MACF1: variants seen among roughly 807,000 people sequenced by gnomAD.
The protein encoded by MACF1 is microtubule-actin cross-linking factor 1.
Under a neutral mutation model 854.8 loss-of-function variants are expected in MACF1, and 193 were observed. The observed-to-expected ratio is 0.23, with a 90% CI of 0.20 to 0.25. MACF1 has a LOEUF of 0.25. MACF1 is among the 10% of genes least tolerant of loss of function. The probability of loss-of-function intolerance (pLI) is 1.00; values close to 1 mark genes in which losing one functional copy is unlikely to be tolerated. For synonymous variants in MACF1, 3,185 were observed against 3,226.7 expected (o/e 0.99, Z 0.44); for missense variants, 7,722 against 8,929.1 (o/e 0.86, Z 5.45).
chr1:39,089,093 G>C (rs1253177273), intron 2 of MACF1, among the ~76,000 whole-genome samples: 2 of 152,242 alleles, frequency 1.3e-5, no homozygotes, highest in Admixed American at 1.3e-4. Flanking sequence ...GGGAGAAAAG[G>C]CCGGGTGTAG....
Position 39,479,690 on chromosome 1 carries a change from C to T in MACF1, c.21959-108C>T. On this transcript the variant is annotated intron_variant, in intron 97 of 100. Transcript: ENST00000564288. ...TGAAGAACCCACAGATGGTACTAAA[C>T]CCATATAACTTATATAACTGTTATC... 5 of 883,324 alleles carry T rather than the reference C, an allele frequency of 5.7e-6. No homozygotes were observed. In the South Asian group the frequency reaches 6.4e-5, roughly 11 times the overall value. The allele number at this position is 883,324 out of a possible 1,614,324, so 54.7% of individuals were successfully genotyped here.
chr1:39,240,259 G>A (rs1644907044), intron 2 of MACF1, among the ~76,000 whole-genome samples: 1 of 152,226 alleles, frequency 6.6e-6, no homozygotes, highest in Non-Finnish European at 1.5e-5. Flanking sequence ...TTTAATTTAA[G>A]AAATTGACAA....
chr1:39,209,085 C>T (rs940471067), intron 1 of MACF1, among the ~76,000 whole-genome samples: 4 of 151,664 alleles, frequency 2.6e-5, no homozygotes, highest in Admixed American at 1.3e-4. Context: ...AACCCTGTCT[C>T]TACTAAAAAA....
Position 39,485,728 on chromosome 1 carries a change from C to T in MACF1, c.22602C>T (p.Ser7534=). ...GNSRRGLNKP[S]KIPTMSKKTT... ...CCAGGAGAGGGCTAAACAAACCTTC[C>T]AAAATCCCAACCATGTCTAAGAAGA... Residue 7534 remains serine (S), a synonymous_variant, in exon 101 of 101, where the codon TCC becomes TCT. Transcript: ENST00000564288. The T allele has an allele frequency of 6.2e-7, 1 of 1,613,890 alleles. No individual in the cohort carries two copies.
Position 39,100,849 on chromosome 1 carries a change from G to A in MACF1, c.220+16411G>A, listed in dbSNP as rs1386214443. Among the ~76,000 whole-genome samples the A allele has an allele frequency of 7.9e-5, 12 of 151,932 alleles. No individual in the cohort carries two copies. The East Asian group carries it at 1.4e-3, about 17-fold the overall frequency. ...AGCCTGGGTGACAGAGTGAGACTCC[G>A]TTGCAAATAAATAAATAAATTAAAT... On this transcript the variant is annotated intron_variant, in intron 2 of 93. Transcript: ENST00000361689.
chr1:39,413,288 C>T (rs1387451071), intron 58 of MACF1: 1 of 1,599,838 alleles, frequency 6.3e-7, no homozygotes. Context: ...GCTGCAGTGC[C>T]CACCCCAGAG....
intron 53 of MACF1, 134 bp downstream of exon 53, chr1:39,378,657 AAGC>A: frequency 1.2e-6 from 1 of 826,934 alleles, no homozygotes; most frequent in Non-Finnish European, 1.9e-6. Flanking sequence ...ATCTGGGGAG[AAGC>A]AACTGTGGTT....
At chr1:39,197,131 A>G (rs1644329946) in intron 2 of MACF1, among the ~76,000 whole-genome samples, 1 of 152,164 alleles carries the variant, frequency 6.6e-6, no homozygotes, top group South Asian at 2.1e-4. Context: ...AAATGACAGC[A>G]CACAGATCTT....
intron 1 of MACF1, among the ~76,000 whole-genome samples, chr1:39,225,183 C>G (rs1644700154): frequency 6.6e-6 from 1 of 150,378 alleles, no homozygotes; most frequent in African/African-American, 2.4e-5. Flanking sequence ...GACCCTGTCT[C>G]AAAACAACAA....
chr1:39,385,428 T>C lies in MACF1; in HGVS notation c.13849-6T>C, dbSNP rs1353141787. On this transcript the variant is annotated splice_region_variant and splice_polypyrimidine_tract_variant and intron_variant, in intron 56 of 100. Coordinates refer to ENST00000564288, the MANE Select transcript of MACF1 (RefSeq NM_001394062.1). ...TCTAAACATCTTGGTGTCATTTCTA[T>C]TTCAGTTTATGCTAAAGGAATTTGA... 5.6e-6 allele frequency: 9 copies of C among 1,611,912 alleles called. No homozygotes were observed. Among genetic ancestry groups the C allele is most frequent in the Non-Finnish European group, 6.8e-6 (8 of 1,178,522 alleles).
At chr1:39,108,545 C>G (rs998516173) in intron 2 of MACF1, among the ~76,000 whole-genome samples, 17 of 135,576 alleles carry the variant, frequency 1.3e-4, no homozygotes, top group South Asian at 5.1e-4. Context: ...GAGTCTCACT[C>G]TGCTGCCCAG....
intron 2 of MACF1, among the ~76,000 whole-genome samples, chr1:39,137,198 T>A (rs1365080417): frequency 6.6e-6 from 1 of 152,164 alleles, no homozygotes; most frequent in Non-Finnish European, 1.5e-5. Flanking sequence ...GCCTCCTGAG[T>A]AACTGCAATT....
chr1:39,411,672 A>G (rs766867392), intron 58 of MACF1: 48 of 1,613,774 alleles, frequency 3.0e-5, no homozygotes, highest in Middle Eastern at 3.3e-4. Flanking sequence ...TGTTTCTTGA[A>G]CTTGAAAAGG....
In MACF1 at chr1:39,479,913, A is replaced by G. The variant is rs755601479; in HGVS notation, c.22074A>G (p.Ala7358=). 1.8e-5 allele frequency: 29 copies of G among 1,614,098 alleles called. No individual in the cohort carries two copies. Among genetic ancestry groups the G allele is most frequent in the Non-Finnish European group, 2.2e-5 (26 of 1,180,036 alleles). Residue 7358 remains alanine, a synonymous_variant, in exon 98 of 101, where the codon GCA becomes GCG. Coordinates refer to ENST00000564288, the MANE Select transcript of MACF1 (RefSeq NM_001394062.1). Reference sequence around the variant, plus strand: ...GAAGGTCCAAACCATCTTCCCGGGCAGCTTCCCCTACTCGTTCCAGCTCCA... The same window carrying G: ...GAAGGTCCAAACCATCTTCCCGGGCGGCTTCCCCTACTCGTTCCAGCTCCA... ...RGRRSKPSSR[A]ASPTRSSSSA... is the part of the protein sequence containing the mutation.
intron 58 of MACF1, among the ~76,000 whole-genome samples, chr1:39,403,043 G>GT (rs1305474403): frequency 1.5e-4 from 23 of 148,992 alleles, no homozygotes; most frequent in East Asian, 5.9e-4. Context: ...TCTCTCTTTT[G>GT]TTTTTTTTGT....
intron 2 of MACF1, among the ~76,000 whole-genome samples, chr1:39,243,314 T>C (rs1644946324): frequency 6.6e-6 from 1 of 152,248 alleles, no homozygotes; most frequent in Non-Finnish European, 1.5e-5. Flanking sequence ...TTTTTACTCA[T>C]TTGTTGACAG....
At chr1:39,086,643 T>C (rs1379141877) in intron 2 of MACF1, among the ~76,000 whole-genome samples, 2 of 152,228 alleles carry the variant, frequency 1.3e-5, no homozygotes, top group Non-Finnish European at 2.9e-5. Flanking sequence ...CGTTTTGTGA[T>C]GATTTCCACT....
chr1:39,372,740 C>T (rs935089293), intron 52 of MACF1, 144 bp downstream of exon 52: 30 of 643,672 alleles, frequency 4.7e-5, no homozygotes, highest in African/African-American at 3.9e-4. Flanking sequence ...TCCCCTGCAA[C>T]CTGACCTGTC....
At chr1:39,420,949 T>C (rs1206865742) in intron 58 of MACF1, among the ~76,000 whole-genome samples, 1 of 149,208 alleles carries the variant, frequency 6.7e-6, no homozygotes, top group Non-Finnish European at 1.5e-5. Context: ...CACTGCAAGC[T>C]CTACCTCCCG....
Sources: gnomAD v4.1 joint callset for allele counts (sites outside exome capture counted in the v4.1 genomes callset) on GRCh38, gnomAD v4.1.1 for gene constraint, MANE v1.5 for transcripts, NCBI Gene and HGNC (gene_info 2026-07-23, HGNC 2026-07-21) for gene names.